KCNK13: variants seen among roughly 807,000 people sequenced by gnomAD.
The protein encoded by KCNK13 is potassium channel subfamily K member 13.
A neutral mutation model predicts 23.4 loss-of-function variants in KCNK13; 12 were observed. The observed-to-expected ratio is 0.51, with a 90% confidence interval of 0.33 to 0.83. The LOEUF (loss-of-function observed/expected upper bound fraction) is 0.83, where lower values mean the gene tolerates loss of function less well. KCNK13 is among the 40% of genes least tolerant of loss of function. KCNK13 has a pLI of 0.02. For synonymous variants in KCNK13, 231 were observed against 229.5 expected (o/e 1.01, Z -0.06); for missense variants, 463 against 556.3 (o/e 0.83, Z 1.69).
chr14:90,131,209 ATTATTTAT>A (rs1237557343), intron 1 of KCNK13, among the ~76,000 whole-genome samples: 1 of 151,928 alleles, frequency 6.6e-6, no homozygotes, highest in Admixed American at 6.6e-5. Flanking sequence ...TGTTATTGTT[ATTATTTAT>A]TTATTTATTT....
At chr14:90,172,215 G>A (rs1890372316) in intron 1 of KCNK13, among the ~76,000 whole-genome samples, 1 of 151,788 alleles carries the variant, frequency 6.6e-6, no homozygotes, top group Admixed American at 6.6e-5. Context: ...TACATGGGAG[G>A]TTGAGGCAGG....
chr14:90,162,285 C>T (rs1162161902), intron 1 of KCNK13, among the ~76,000 whole-genome samples: 1 of 152,164 alleles, frequency 6.6e-6, no homozygotes, highest in Non-Finnish European at 1.5e-5. Context: ...AATCCAGAAA[C>T]AGATGTAAGA....
chr14:90,150,311 C>A (rs540591569), intron 1 of KCNK13, among the ~76,000 whole-genome samples: 1 of 152,050 alleles, frequency 6.6e-6, no homozygotes, highest in Admixed American at 6.6e-5. Flanking sequence ...CTACTATGCT[C>A]TCCTGTTAAA....
intron 1 of KCNK13, among the ~76,000 whole-genome samples, chr14:90,101,865 C>A (rs984934625): frequency 6.7e-6 from 1 of 148,920 alleles, no homozygotes; most frequent in African/African-American, 2.5e-5. Flanking sequence ...ACCACCTGTT[C>A]CCCCGAAAAC....
At chr14:90,089,377 A>C (rs537831960) in intron 1 of KCNK13, among the ~76,000 whole-genome samples, 2 of 152,338 alleles carry the variant, frequency 1.3e-5, no homozygotes, top group South Asian at 4.1e-4. Flanking sequence ...GAGATTTGTG[A>C]AACTTTGAAC....
intron 1 of KCNK13, among the ~76,000 whole-genome samples, chr14:90,091,633 G>C (rs1477568529): frequency 1.3e-5 from 2 of 151,966 alleles, no homozygotes; most frequent in Non-Finnish European, 2.9e-5. Flanking sequence ...CATGCCAAAT[G>C]CCTCATTATT....
intron 1 of KCNK13, among the ~76,000 whole-genome samples, chr14:90,127,856 A>G (rs1889821325): frequency 6.6e-6 from 1 of 151,630 alleles, no homozygotes; most frequent in Non-Finnish European, 1.5e-5. Flanking sequence ...TAATGTTTCA[A>G]GAGTATGTTT....
Position 90,185,815 on chromosome 14 carries a change from T to A in KCNK13, c.*812T>A, listed in dbSNP as rs765831062. Reference sequence around the variant, plus strand: ...ACCCAATGCAAAGATGATGACTATTTAATAAAATGGAAAATTTAATAAATC... The same window carrying A: ...ACCCAATGCAAAGATGATGACTATTAAATAAAATGGAAAATTTAATAAATC... On this transcript the variant is annotated 3_prime_UTR_variant, in exon 2 of 2. Coordinates refer to ENST00000282146, the MANE Select transcript of KCNK13 (RefSeq NM_022054.4). The A allele has an allele frequency of 3.9e-5, 6 of 152,192 alleles. No homozygotes were observed. Among genetic ancestry groups the A allele is most frequent in the Non-Finnish European group, 8.8e-5 (6 of 68,042 alleles). 9.4% of individuals were successfully genotyped at this position (152,192 alleles called of 1,614,324 possible).
chr14:90,139,992 A>G (rs1200250826), intron 1 of KCNK13, among the ~76,000 whole-genome samples: 1 of 152,106 alleles, frequency 6.6e-6, no homozygotes, highest in East Asian at 1.9e-4. Flanking sequence ...TCTGCTAGGA[A>G]CGTGCACAGT....
intron 1 of KCNK13, among the ~76,000 whole-genome samples, chr14:90,183,542 G>C (rs1395260839): frequency 6.6e-6 from 1 of 152,096 alleles, no homozygotes; most frequent in East Asian, 1.9e-4. Context: ...ATAGAATCCT[G>C]TACTCCCTCT....
chr14:90,146,313 T>C (rs1890072611), intron 1 of KCNK13, among the ~76,000 whole-genome samples: 1 of 152,162 alleles, frequency 6.6e-6, no homozygotes, highest in Non-Finnish European at 1.5e-5. Flanking sequence ...TTTGGGTTAA[T>C]GTGGAATATC....
At chr14:90,147,129 CA>C (rs1890081675) in intron 1 of KCNK13, among the ~76,000 whole-genome samples, 1 of 152,188 alleles carries the variant, frequency 6.6e-6, no homozygotes, top group Non-Finnish European at 1.5e-5. Context: ...TCTGTGTCTG[CA>C]AACTCTTATT....
At chr14:90,151,493 A>G (rs75283973) in intron 1 of KCNK13, among the ~76,000 whole-genome samples, 9,892 of 152,120 alleles carry the variant, frequency 0.065, 413 homozygotes, top group South Asian at 0.21. Context: ...TTTTCTTGCT[A>G]TTGAGTTGTT....
Position 90,144,495 on chromosome 14 carries a change from C to CTCTTTT in KCNK13, c.335-39615_335-39614insCTTTTT, listed in dbSNP as rs1555352214. ...GAGAATGAAGGCTGTTTTACTTTCT[C>CTCTTTT]TTTTTTTTTTTTTTTTTGTGAGATA... is the stretch of plus-strand genomic sequence containing the variant. On this transcript the variant is annotated intron_variant, in intron 1 of 1. Coordinates refer to ENST00000282146, the MANE Select transcript of KCNK13 (RefSeq NM_022054.4). 2.5e-3 allele frequency among the ~76,000 whole-genome samples: 293 copies of CTCTTTT among 119,230 alleles called. 2 individuals are homozygous for CTCTTTT. Among genetic ancestry groups the CTCTTTT allele is most frequent in the African/African-American group, 8.1e-3 (260 of 32,104 alleles). The allele number at this position is 119,230 out of a possible 152,430, so 78.2% of individuals were successfully genotyped here. A position where few individuals can be genotyped will look rare whatever the true frequency, so the allele number is the denominator to read the frequency against.
chr14:90,110,950 A>G (rs576469984), intron 1 of KCNK13, among the ~76,000 whole-genome samples: 1 of 151,838 alleles, frequency 6.6e-6, no homozygotes, highest in South Asian at 2.1e-4. Context: ...CAGAGTTTGC[A>G]GTGAGCTGAG....
intron 1 of KCNK13, among the ~76,000 whole-genome samples, chr14:90,095,594 C>T (rs894445901): frequency 2.0e-5 from 3 of 151,952 alleles, no homozygotes; most frequent in African/African-American, 4.8e-5. Flanking sequence ...CAAACTTGTT[C>T]AGATGGTCTA....
At position 90,112,101 on chromosome 14, in the gene KCNK13, G is replaced by T. The variant is rs530675751; in HGVS notation, c.334+49562G>T. On this transcript the variant is annotated intron_variant, in intron 1 of 1. Coordinates refer to ENST00000282146, the MANE Select transcript of KCNK13 (RefSeq NM_022054.4). The stretch of plus-strand genomic sequence containing the variant: ...CACCATGTCTGGTCCCTGTGTCTTT[G>T]CCTGGAATTCAGCCAAACATCCTGC... 1.5e-4 allele frequency among the ~76,000 whole-genome samples: 23 copies of T among 152,238 alleles called. No homozygotes were observed. In the East Asian group the frequency reaches 4.4e-3, roughly 29 times the overall value.
At chr14:90,126,500 G>A (rs951006570) in intron 1 of KCNK13, among the ~76,000 whole-genome samples, 4 of 150,632 alleles carry the variant, frequency 2.7e-5, no homozygotes, top group East Asian at 2.0e-4. Flanking sequence ...TCCCCTCTCT[G>A]GCCTTCTTTC....
intron 1 of KCNK13, among the ~76,000 whole-genome samples, chr14:90,073,400 A>G (rs1012780186): frequency 6.6e-6 from 1 of 152,194 alleles, no homozygotes; most frequent in Non-Finnish European, 1.5e-5. Flanking sequence ...ACCCGCCCCC[A>G]GGACTTTCAT....
Sources: allele counts gnomAD v4.1 joint callset (sites outside exome capture counted in the v4.1 genomes callset), GRCh38; gene constraint gnomAD v4.1.1; transcripts MANE v1.5; gene names NCBI Gene and HGNC (gene_info 2026-07-23, HGNC 2026-07-21).